ACER2: variants seen among roughly 807,000 people sequenced by gnomAD.
The protein encoded by ACER2 is alkaline ceramidase 2, also known as alkCDase 2.
A neutral mutation model predicts 34.7 loss-of-function variants in ACER2; 26 were observed. The observed-to-expected ratio is 0.75, with a 90% CI of 0.55 to 1.04. The LOEUF is 1.04. Ranked by LOEUF, ACER2 falls within the 50% of genes least tolerant of loss-of-function variation. The pLI is 0.00. For missense variants in ACER2, 352 were observed against 340.8 expected, an observed-to-expected ratio of 1.03 and a Z score of -0.26; for synonymous variants, 138 against 132.1, an observed-to-expected ratio of 1.04 and a Z score of -0.31.
intron 1 of ACER2, among the ~76,000 whole-genome samples, chr9:19,412,683 G>C (rs537799373): frequency 6.7e-6 from 1 of 149,048 alleles, no homozygotes; most frequent in South Asian, 2.1e-4. Flanking sequence ...AAACCAGCAT[G>C]TATGGCGTAA....
chr9:19,409,749 A>G (rs1434562484), intron 1 of ACER2: 1 of 984,560 alleles, frequency 1.0e-6, no homozygotes, highest in Non-Finnish European at 1.2e-6. Flanking sequence ...GTTAATTACT[A>G]CTTGTTTTTT....
intron 3 of ACER2, among the ~76,000 whole-genome samples, chr9:19,433,015 C>T (rs1418384071): frequency 6.6e-6 from 1 of 151,970 alleles, no homozygotes; most frequent in African/African-American, 2.4e-5. Context: ...AACAGCTATC[C>T]ATATCTCACC....
intron 3 of ACER2, among the ~76,000 whole-genome samples, chr9:19,433,514 C>G (rs2132500823): frequency 6.6e-6 from 1 of 152,146 alleles, no homozygotes; most frequent in African/African-American, 2.4e-5. Flanking sequence ...AAGAATTTTT[C>G]TTAGTACAGA....
At chr9:19,419,878 C>G (rs1830350306) in intron 1 of ACER2, among the ~76,000 whole-genome samples, 1 of 152,186 alleles carries the variant, frequency 6.6e-6, no homozygotes, top group South Asian at 2.1e-4. Context: ...CCAAAGGTAA[C>G]AGCTCTGCTC....
At chr9:19,430,993 A>AAACAAC in intron 3 of ACER2, among the ~76,000 whole-genome samples, 1 of 147,786 alleles carries the variant, frequency 6.8e-6, no homozygotes, top group South Asian at 2.2e-4. Flanking sequence ...CAACAAAACC[A>AAACAAC]AACAACAACA....
intron 4 of ACER2, among the ~76,000 whole-genome samples, chr9:19,438,788 T>G (rs1464289467): frequency 6.6e-6 from 1 of 152,310 alleles, no homozygotes; most frequent in East Asian, 1.9e-4. Flanking sequence ...TTTGTTTGTT[T>G]GTTTGTTTTG....
At chr9:19,450,332 TG>T in intron 5 of ACER2, 117 bp from the exon 6 acceptor site, 2 of 1,372,574 alleles carry the variant, frequency 1.5e-6, no homozygotes, top group Non-Finnish European at 1.9e-6. Context: ...AAGAGGCCCC[TG>T]GGCTGCAACT....
At chr9:19,412,468 C>T (rs902119619) in intron 1 of ACER2, among the ~76,000 whole-genome samples, 3 of 152,022 alleles carry the variant, frequency 2.0e-5, no homozygotes, top group Non-Finnish European at 4.4e-5. Context: ...ACCTGGCCAA[C>T]ATGGTGAAAC....
At chr9:19,413,458 A>G (rs1830149749) in intron 1 of ACER2, among the ~76,000 whole-genome samples, 1 of 151,954 alleles carries the variant, frequency 6.6e-6, no homozygotes, top group Non-Finnish European at 1.5e-5. Context: ...AAACTAGCCA[A>G]GTGTGGTGGT....
intron 4 of ACER2, among the ~76,000 whole-genome samples, chr9:19,442,928 G>A (rs1831205695): frequency 1.3e-5 from 2 of 152,012 alleles, no homozygotes; most frequent in Admixed American, 1.3e-4. Flanking sequence ...CGCCTCCTGG[G>A]TTCAAGCGAT....
At chr9:19,427,589 C>T (rs1164867642) in intron 3 of ACER2, among the ~76,000 whole-genome samples, 4 of 151,910 alleles carry the variant, frequency 2.6e-5, no homozygotes. Flanking sequence ...AAATAGTAAA[C>T]GTTTATCTCC....
rs527253288 is a variant in ACER2, at chr9:19,423,612, A to C, written c.109-250A>C. Among the ~76,000 whole-genome samples the C allele has an allele frequency of 7.6e-4, 116 of 152,216 alleles. No homozygotes were observed. In the Middle Eastern group the frequency reaches 0.01, roughly 13 times the overall value. On this transcript the variant is annotated intron_variant, in intron 1 of 5. Transcript: ENST00000340967. Reference sequence around the variant, plus strand: ...GCTACTCAGGAGGCTGAGGCAGGGGAATTGCTTGAACTCGGGAGGTAGAGG... The same window carrying C: ...GCTACTCAGGAGGCTGAGGCAGGGGCATTGCTTGAACTCGGGAGGTAGAGG...
chr9:19,430,880 C>A (rs1183802229), intron 3 of ACER2, among the ~76,000 whole-genome samples: 1 of 152,060 alleles, frequency 6.6e-6, no homozygotes, highest in Non-Finnish European at 1.5e-5. Flanking sequence ...ATCGCTTGAA[C>A]CCAGGAGGCA....
intron 4 of ACER2, among the ~76,000 whole-genome samples, chr9:19,445,934 G>A (rs549143340): frequency 2.6e-5 from 4 of 152,304 alleles, no homozygotes; most frequent in Non-Finnish European, 5.9e-5. Context: ...AGGGAGAGCT[G>A]ATGGACTAGA....
At chr9:19,416,332 A>G (rs1211611926) in intron 1 of ACER2, among the ~76,000 whole-genome samples, 5 of 152,036 alleles carry the variant, frequency 3.3e-5, no homozygotes, top group African/African-American at 9.7e-5. Flanking sequence ...CAATTTTTAG[A>G]TGCTAGTGGA....
chr9:19,434,098 TGGC>T (rs1238941449), intron 3 of ACER2, among the ~76,000 whole-genome samples: 1 of 124,564 alleles, frequency 8.0e-6, no homozygotes, highest in Non-Finnish European at 1.7e-5. Context: ...CCAGACGGGG[TGGC>T]GGCCGGGCAG....
At position 19,423,939 on chromosome 9, in the gene ACER2, T is replaced by C. The variant is rs139977662; in HGVS notation, c.186T>C (p.Ser62=). 1.9e-6 allele frequency: 3 copies of C among 1,614,016 alleles called. No homozygotes were observed. The African/African-American group carries it at 4.0e-5, about 22-fold the overall frequency. ...GTCAGTATGCAACATGCTTCAACAGTGGCATCTACTTAATCTGGACTCTTT... is the reference window on the plus strand; with the variant it reads ...GTCAGTATGCAACATGCTTCAACAGCGGCATCTACTTAATCTGGACTCTTT... ...LFRQYATCFN[S]GIYLIWTLLV... The change falls in exon 2 of 6, where the codon AGT becomes AGC. Residue 62 remains serine (S), a synonymous_variant. Transcript: ENST00000340967.
chr9:19,412,753 G>GT (rs371738544), intron 1 of ACER2, among the ~76,000 whole-genome samples: 212 of 151,172 alleles, frequency 1.4e-3, no homozygotes, highest in African/African-American at 4.7e-3. Context: ...TGTACCTTGT[G>GT]TTTTTCACTT....
rs770863316 is a variant in ACER2 at position 19,451,585 on chromosome 9, T to A, written c.*949T>A. On this transcript the variant is annotated 3_prime_UTR_variant, in exon 6 of 6. Coordinates refer to ENST00000340967, the MANE Select transcript of ACER2 (RefSeq NM_001010887.3). Reference sequence around the variant, plus strand: ...CAATTTTTAAATACTGAGCACAATTTTTAAATACTGACATCACTTCCTCTT... The same window carrying A: ...CAATTTTTAAATACTGAGCACAATTATTAAATACTGACATCACTTCCTCTT... The A allele has an allele frequency of 2.0e-5, 3 of 152,596 alleles. No homozygotes were observed. Among genetic ancestry groups the A allele is most frequent in the Non-Finnish European group, 4.4e-5 (3 of 68,056 alleles). 9.5% of individuals were successfully genotyped at this position (152,596 alleles called of 1,614,324 possible).
Sources: gnomAD v4.1 joint callset for allele counts (sites outside exome capture counted in the v4.1 genomes callset) on GRCh38, gnomAD v4.1.1 for gene constraint, MANE v1.5 for transcripts, NCBI Gene and HGNC (gene_info 2026-07-23, HGNC 2026-07-21) for gene names.